Variants in GRIK1 observed in about 807,000 individuals in gnomAD.
The protein encoded by GRIK1 is glutamate receptor ionotropic, kainate 1.
Under a neutral mutation model 105.7 loss-of-function variants are expected in GRIK1, and 69 were observed. The ratio of observed to expected loss-of-function variants is 0.65; its 90% CI spans 0.54 to 0.80. GRIK1 has a LOEUF of 0.80. Ranked by LOEUF, GRIK1 falls within the 30% of genes least tolerant of loss-of-function variation. The pLI is 0.00. For missense variants in GRIK1, 1,109 were observed against 1,167.3 expected (o/e 0.95, Z 0.73); for synonymous variants, 438 against 431.3 (o/e 1.02, Z -0.19).
intron 1 of GRIK1, among the ~76,000 whole-genome samples, chr21:29,824,347 A>G (rs1207955105): frequency 1.3e-5 from 2 of 151,952 alleles, no homozygotes; most frequent in Non-Finnish European, 2.9e-5. Context: ...ACTGTTTCAC[A>G]TTCAGGGGTT....
rs571647543 is a variant in GRIK1, at chr21:29,931,016, C to T, written c.118+8367G>A. The stretch of plus-strand genomic sequence containing the variant: ...ATATAGACTTTATTTCTTAGCACAG[C>T]TTTAGGTTTACAGAAAAACTGAGAA... On this transcript the variant is annotated intron_variant, in intron 1 of 17. Coordinates refer to ENST00000327783, the MANE Select transcript of GRIK1 (RefSeq NM_001330994.2). 1.6e-3 allele frequency among the ~76,000 whole-genome samples: 244 copies of T among 152,260 alleles called. 2 individuals carry two copies. Among genetic ancestry groups the T allele is most frequent in the African/African-American group, 5.5e-3 (230 of 41,560 alleles).
At chr21:29,896,991 C>A (rs530161830) in intron 1 of GRIK1, among the ~76,000 whole-genome samples, 1 of 152,162 alleles carries the variant, frequency 6.6e-6, no homozygotes, top group Non-Finnish European at 1.5e-5. Flanking sequence ...AAGGCAAAAT[C>A]TTTTACCCCC....
chr21:29,594,866 G>A (rs1270581502), intron 9 of GRIK1, among the ~76,000 whole-genome samples: 1 of 152,150 alleles, frequency 6.6e-6, no homozygotes, highest in Non-Finnish European at 1.5e-5. Flanking sequence ...TGTAAAGATT[G>A]CTACCTTCCT....
chr21:29,828,306 A>T (rs946700526), intron 1 of GRIK1, among the ~76,000 whole-genome samples: 2 of 151,984 alleles, frequency 1.3e-5, no homozygotes, highest in Admixed American at 1.3e-4. Context: ...ACAAACCCTA[A>T]ATCATTTATA....
intron 4 of GRIK1, among the ~76,000 whole-genome samples, chr21:29,664,578 C>T (rs1469272676): frequency 6.6e-6 from 1 of 151,874 alleles, no homozygotes; most frequent in Non-Finnish European, 1.5e-5. Context: ...TCCCATTTCA[C>T]CCTAGAAGAT....
intron 1 of GRIK1, among the ~76,000 whole-genome samples, chr21:29,782,280 G>A (rs1225559867): frequency 6.6e-6 from 1 of 151,506 alleles, no homozygotes; most frequent in Non-Finnish European, 1.5e-5. Flanking sequence ...TAGAGACAGG[G>A]TTTCACCGTG....
chr21:29,619,439 G>GA (rs376193631), intron 7 of GRIK1, among the ~76,000 whole-genome samples: 2,439 of 149,478 alleles, frequency 0.016, 74 homozygotes, highest in African/African-American at 0.057. Context: ...TCTCAAAAAA[G>GA]AAAAAAAAAT....
intron 1 of GRIK1, among the ~76,000 whole-genome samples, chr21:29,900,388 A>T (rs973948022): frequency 1.3e-5 from 2 of 150,124 alleles, no homozygotes; most frequent in Non-Finnish European, 3.0e-5. Context: ...CAGGAGACCC[A>T]TCTCACTTGC....
intron 5 of GRIK1, 64 bp downstream of exon 5, chr21:29,654,746 T>A: frequency 1.1e-6 from 1 of 939,702 alleles, no homozygotes; most frequent in South Asian, 1.3e-5. Flanking sequence ...TGAGGCCGAC[T>A]CTGAAATAAC....
rs377749580 is a variant in GRIK1, at chr21:29,686,155, T to C, written c.544+3573A>G. Among the ~76,000 whole-genome samples the C allele has an allele frequency of 2.6e-5, 4 of 152,324 alleles. No individual in the cohort carries two copies. The East Asian group carries it at 5.8e-4, about 22-fold the overall frequency. ...TAGACAGTTTTCCCTAGGTCTTTGG[T>C]CTTCATTTTTGAAGCCTCCTGAGTC... On this transcript the variant is annotated intron_variant, in intron 3 of 17. Transcript: ENST00000327783.
At chr21:29,608,113 G>A (rs534125145) in intron 7 of GRIK1, among the ~76,000 whole-genome samples, 133 of 152,080 alleles carry the variant, frequency 8.7e-4, no homozygotes, top group African/African-American at 3.1e-3. Context: ...GTCTATATAC[G>A]TCTTATTATT....
chr21:29,798,936 G>T (rs1464759472), intron 1 of GRIK1, among the ~76,000 whole-genome samples: 1 of 152,146 alleles, frequency 6.6e-6, no homozygotes, highest in Non-Finnish European at 1.5e-5. Flanking sequence ...TTGGAGAGAG[G>T]CTGAGAGAGA....
At chr21:29,907,286 A>G (rs1489429973) in intron 1 of GRIK1, among the ~76,000 whole-genome samples, 5 of 152,092 alleles carry the variant, frequency 3.3e-5, no homozygotes, top group Non-Finnish European at 7.4e-5. Flanking sequence ...TTTTTGGTTA[A>G]TGTTGCAAAT....
intron 1 of GRIK1, among the ~76,000 whole-genome samples, chr21:29,848,149 A>G (rs117803150): frequency 0.013 from 1,971 of 152,250 alleles, 13 homozygotes; most frequent in Non-Finnish European, 0.018. Context: ...CTTTATCTGT[A>G]CGCTGCTTCT....
chr21:29,537,538 G>A (rs140540348), intron 17 of GRIK1, among the ~76,000 whole-genome samples, 153 bp from the exon 18 acceptor site: 1,938 of 152,086 alleles, frequency 0.013, 13 homozygotes, highest in Middle Eastern at 0.037. Context: ...TCCTCCACCC[G>A]CTGGCCACCC....
intron 1 of GRIK1, among the ~76,000 whole-genome samples, chr21:29,705,024 T>C (rs553773805): frequency 6.6e-6 from 1 of 152,346 alleles, no homozygotes; most frequent in Admixed American, 6.5e-5. Context: ...CATGATTCTA[T>C]TTATCTCCTT....
At chr21:29,669,588 G>A (rs887817846) in intron 4 of GRIK1, among the ~76,000 whole-genome samples, 20 of 152,164 alleles carry the variant, frequency 1.3e-4, no homozygotes, top group Admixed American at 9.2e-4. Context: ...AGACCACATG[G>A]CAGCCTAGCC....
chr21:29,798,532 G>T (rs1347863631), intron 1 of GRIK1, among the ~76,000 whole-genome samples: 1 of 152,158 alleles, frequency 6.6e-6, no homozygotes, highest in African/African-American at 2.4e-5. Flanking sequence ...AGAACTCCAA[G>T]TGAATTCCAG....
chr21:29,836,692 C>T (rs184576251), intron 1 of GRIK1, among the ~76,000 whole-genome samples: 1 of 152,180 alleles, frequency 6.6e-6, no homozygotes, highest in Admixed American at 6.5e-5. Flanking sequence ...TTTACACAGA[C>T]ACTATCATAA....
Sources: gnomAD v4.1 joint callset for allele counts (sites outside exome capture counted in the v4.1 genomes callset) on GRCh38, gnomAD v4.1.1 for gene constraint, MANE v1.5 for transcripts, NCBI Gene and HGNC (gene_info 2026-07-23, HGNC 2026-07-21) for gene names.